PDE4D: variants seen among roughly 807,000 people sequenced by gnomAD.
The protein encoded by PDE4D is phosphodiesterase 4D.
Under a neutral mutation model 87.4 loss-of-function variants are expected in PDE4D, and 24 were observed. That is an observed-to-expected ratio of 0.27 (90% CI 0.20 to 0.39). PDE4D has a LOEUF of 0.39. Ranked by LOEUF, PDE4D falls within the 10% of genes least tolerant of loss-of-function variation. The probability of loss-of-function intolerance (pLI) is 1.00; values close to 1 mark genes in which losing one functional copy is unlikely to be tolerated. For synonymous variants in PDE4D, 384 were observed against 383.2 expected (o/e 1.00, Z -0.02); for missense variants, 714 against 1,041.0 (o/e 0.69, Z 4.32).
chr5:59,471,246 A>G (rs922078846), intron 1 of PDE4D, among the ~76,000 whole-genome samples: 5 of 152,326 alleles, frequency 3.3e-5, no homozygotes, highest in Middle Eastern at 3.4e-3. Flanking sequence ...CCCTGTCTCA[A>G]AAAGAAAAAG....
chr5:60,127,532 C>G (rs573464741), intron 2 of PDE4D: 25 of 442,200 alleles, frequency 5.7e-5, no homozygotes, highest in Admixed American at 8.1e-5. Context: ...GGGATAGATG[C>G]AGCGCATAAC....
intron 1 of PDE4D, among the ~76,000 whole-genome samples, chr5:59,584,643 A>G (rs895132242): frequency 6.6e-6 from 1 of 152,242 alleles, no homozygotes; most frequent in Non-Finnish European, 1.5e-5. Flanking sequence ...GGCTAATGCA[A>G]TAAAAATAAA....
At chr5:59,751,643 C>T (rs770273398) in intron 1 of PDE4D, among the ~76,000 whole-genome samples, 2 of 146,604 alleles carry the variant, frequency 1.4e-5, no homozygotes, top group Non-Finnish European at 3.0e-5. Flanking sequence ...CAAGCGAGAG[C>T]AAGAGAGAGA....
intron 5 of PDE4D, among the ~76,000 whole-genome samples, chr5:59,135,972 G>A (rs1777005934): frequency 2.5e-5 from 1 of 40,576 alleles, no homozygotes; most frequent in Non-Finnish European, 6.3e-5. Context: ...AGGGTGTCCA[G>A]AAACCATCTG....
chr5:59,981,247 G>A (rs56344111), intron 3 of PDE4D, among the ~76,000 whole-genome samples: 4,832 of 152,006 alleles, frequency 0.032, 224 homozygotes, highest in African/African-American at 0.11. Flanking sequence ...GCAAGACTCC[G>A]TTTCAAAAAC....
chr5:59,001,300 G>A (rs1415188536), intron 6 of PDE4D, among the ~76,000 whole-genome samples: 1 of 152,010 alleles, frequency 6.6e-6, no homozygotes, highest in Non-Finnish European at 1.5e-5. Context: ...GCTTTAACTT[G>A]CTGGTATGGC....
chr5:60,290,534 T>A (rs1237043874), intron 1 of PDE4D, among the ~76,000 whole-genome samples: 1 of 152,182 alleles, frequency 6.6e-6, no homozygotes, highest in Non-Finnish European at 1.5e-5. Context: ...CAGGGAGTGG[T>A]GGCTCACACC....
chr5:58,992,156 T>C (rs762622935), intron 7 of PDE4D, among the ~76,000 whole-genome samples, 152 bp from the exon 8 acceptor site: 22 of 152,176 alleles, frequency 1.4e-4, no homozygotes, highest in Non-Finnish European at 2.8e-4. Flanking sequence ...GTATTTACAT[T>C]TGAATTGGAC....
At chr5:59,002,935 G>A (rs532146127) in intron 6 of PDE4D, among the ~76,000 whole-genome samples, 2 of 152,300 alleles carry the variant, frequency 1.3e-5, no homozygotes, top group East Asian at 1.9e-4. Context: ...TTGAAGATAA[G>A]TAGGTATCAG....
intron 1 of PDE4D, among the ~76,000 whole-genome samples, chr5:59,731,074 A>AT (rs1447331272): frequency 2.0e-5 from 3 of 151,960 alleles, no homozygotes; most frequent in Non-Finnish European, 2.9e-5. Context: ...TTTCATTCTT[A>AT]TTTATATAAG....
chr5:59,433,760 C>A (rs1415266397), intron 1 of PDE4D, among the ~76,000 whole-genome samples: 1 of 151,950 alleles, frequency 6.6e-6, no homozygotes, highest in East Asian at 1.9e-4. Flanking sequence ...ATTCTATGCT[C>A]TTGAGAACAT....
At chr5:60,219,296 A>G (rs1377036817) in intron 1 of PDE4D, among the ~76,000 whole-genome samples, 2 of 152,172 alleles carry the variant, frequency 1.3e-5, no homozygotes, top group Admixed American at 6.5e-5. Flanking sequence ...CAATAGATGT[A>G]TGACTTTTGT....
chr5:59,017,395 A>T (rs1322119284), intron 6 of PDE4D, among the ~76,000 whole-genome samples: 5 of 152,188 alleles, frequency 3.3e-5, no homozygotes, highest in Non-Finnish European at 5.9e-5. Context: ...CATTGGTGCC[A>T]TTTGCAAGAT....
At chr5:59,527,218 T>G (rs1813319776) in intron 1 of PDE4D, among the ~76,000 whole-genome samples, 1 of 152,198 alleles carries the variant, frequency 6.6e-6, no homozygotes, top group Non-Finnish European at 1.5e-5. Flanking sequence ...GAGTATAAGC[T>G]TATATGTAAA....
chr5:60,391,756 A>G (rs747998877), intron 1 of PDE4D, among the ~76,000 whole-genome samples: 1 of 152,184 alleles, frequency 6.6e-6, no homozygotes, highest in African/African-American at 2.4e-5. Flanking sequence ...CCTTTGTCCT[A>G]TAACGTATTC....
chr5:60,172,117 AT>A (rs1783501655), intron 2 of PDE4D, among the ~76,000 whole-genome samples: 1 of 147,102 alleles, frequency 6.8e-6, no homozygotes, highest in Non-Finnish European at 1.5e-5. Context: ...TATATATTAT[AT>A]TATATATATA....
chr5:59,271,894 C>T (rs1178378616), intron 1 of PDE4D, among the ~76,000 whole-genome samples: 7 of 151,514 alleles, frequency 4.6e-5, no homozygotes, highest in Admixed American at 4.0e-4. Flanking sequence ...AGGCAGTCCC[C>T]CTTACCTTCA....
chr5:59,386,031 C>T (rs1445918), intron 1 of PDE4D, among the ~76,000 whole-genome samples: 41,847 of 151,972 alleles, frequency 0.28, 7,723 homozygotes, highest in African/African-American at 0.53. Flanking sequence ...GTAGGGTGTG[C>T]GGGTAGAAAC....
At chr5:59,559,259 G>A (rs1433103732) in intron 1 of PDE4D, among the ~76,000 whole-genome samples, 2 of 151,896 alleles carry the variant, frequency 1.3e-5, no homozygotes, top group Admixed American at 6.6e-5. Flanking sequence ...TTGAAAATAC[G>A]GCCTAAAATA....
Sources: allele counts gnomAD v4.1 joint callset (sites outside exome capture counted in the v4.1 genomes callset), GRCh38; gene constraint gnomAD v4.1.1; transcripts MANE v1.5; gene names NCBI Gene and HGNC (gene_info 2026-07-23, HGNC 2026-07-21).